ADAM32: variants seen among roughly 807,000 people sequenced by gnomAD.
ADAM32 encodes ADAM metallopeptidase domain 32, also known as disintegrin and metalloproteinase domain-containing protein 32.
ADAM32 carries 89 observed loss-of-function variants against 114.9 expected under a neutral mutation model. The ratio of observed to expected loss-of-function variants is 0.77; its 90% confidence interval spans 0.65 to 0.92. The LOEUF (loss-of-function observed/expected upper bound fraction) is 0.92, where lower values mean the gene tolerates loss of function less well. Ranked by LOEUF, ADAM32 falls within the 40% of genes least tolerant of loss-of-function variation. The pLI, the probability that ADAM32 is intolerant of heterozygous loss-of-function variation, is 0.00. For missense variants in ADAM32, 870 were observed against 932.8 expected, an observed-to-expected ratio of 0.93 and a Z score of 0.88; for synonymous variants, 285 against 307.5, an observed-to-expected ratio of 0.93 and a Z score of 0.77.
At chr8:39,197,870 T>C (rs776145812) in intron 11 of ADAM32, among the ~76,000 whole-genome samples, 5 of 152,186 alleles carry the variant, frequency 3.3e-5, no homozygotes, top group Non-Finnish European at 5.9e-5. Flanking sequence ...GATGTTTCTT[T>C]GTTGATGTTC....
At chr8:39,140,439 A>G (rs772249069) in intron 3 of ADAM32, among the ~76,000 whole-genome samples, 4 of 152,146 alleles carry the variant, frequency 2.6e-5, no homozygotes, top group Non-Finnish European at 5.9e-5. Context: ...GGTTCTGTTT[A>G]TGTGATGGAT....
intron 10 of ADAM32, among the ~76,000 whole-genome samples, chr8:39,185,833 A>G (rs1806200488): frequency 6.6e-6 from 1 of 152,042 alleles, no homozygotes; most frequent in Non-Finnish European, 1.5e-5. Flanking sequence ...TTGGACCTAG[A>G]GGCAATGTGG....
intron 16 of ADAM32, among the ~76,000 whole-genome samples, chr8:39,240,807 T>G (rs1435021372): frequency 6.6e-6 from 1 of 152,132 alleles, no homozygotes; most frequent in Non-Finnish European, 1.5e-5. Flanking sequence ...CAAGATGAGA[T>G]TTGGGTGGGG....
chr8:39,190,673 AAG>A (rs2129447367), intron 11 of ADAM32, among the ~76,000 whole-genome samples: 1 of 152,362 alleles, frequency 6.6e-6, no homozygotes, highest in South Asian at 2.1e-4. Flanking sequence ...CGTGTCAGAA[AAG>A]AGAGCAGTTT....
chr8:39,188,535 T>A (rs1806399560), intron 11 of ADAM32, among the ~76,000 whole-genome samples: 1 of 152,170 alleles, frequency 6.6e-6, no homozygotes, highest in Non-Finnish European at 1.5e-5. Flanking sequence ...GATAATAAGA[T>A]GAACAAATAT....
chr8:39,261,216 C>T (rs145853837), intron 19 of ADAM32, among the ~76,000 whole-genome samples: 2 of 152,306 alleles, frequency 1.3e-5, no homozygotes, highest in Non-Finnish European at 2.9e-5. Context: ...CCTTATCCCT[C>T]CCTTCCCCTT....
chr8:39,164,966 T>A (rs1804735838), intron 8 of ADAM32, 64 bp from the exon 9 acceptor site: 8 of 1,523,964 alleles, frequency 5.2e-6, no homozygotes, highest in Non-Finnish European at 6.2e-6. Context: ...AACTTTGAAT[T>A]TCTGGGTTTT....
At chr8:39,263,618 G>A (rs752598260) in intron 19 of ADAM32, among the ~76,000 whole-genome samples, 15 of 151,984 alleles carry the variant, frequency 9.9e-5, no homozygotes, top group Non-Finnish European at 2.2e-4. Context: ...TTTAGTGTGT[G>A]CAGTGTTATG....
At chr8:39,174,867 C>T (rs1261816513) in intron 10 of ADAM32, among the ~76,000 whole-genome samples, 1 of 152,030 alleles carries the variant, frequency 6.6e-6, no homozygotes, top group East Asian at 1.9e-4. Context: ...TTCTTGAGCA[C>T]TGATTTGTAG....
chr8:39,245,980 C>T, intron 16 of ADAM32, 103 bp from the exon 17 acceptor site: 1 of 911,112 alleles, frequency 1.1e-6, no homozygotes, highest in Non-Finnish European at 1.7e-6. Context: ...AAATTTGTAT[C>T]ATTGAATGGC....
At position 39,234,012 on chromosome 8, in the gene ADAM32, A is replaced by C; in HGVS notation, c.1748A>C (p.Asp583Ala). The C allele has an allele frequency of 6.4e-7, 1 of 1,552,090 alleles. No individual in the cohort carries two copies. The highest frequency in any genetic ancestry group is 1.2e-5 in the South Asian group (1 of 81,676). The change falls in exon 16 of 25, where the codon GAC becomes GCC. Residue 583 changes from aspartate to alanine, a missense_variant. Asp to Ala is a moderately radical substitution (Grantham distance 126). Coordinates refer to ENST00000379907, the MANE Select transcript of ADAM32 (RefSeq NM_145004.7). ...FVRDSVCITV[D>A]YKLPRTVPDP... is the part of the protein sequence containing the mutation. ...CGAGATTCTGTATGCATAACTGTAG[A>C]CTACAAATTGCCTCGAACAGTTCCA...
chr8:39,164,227 AG>A (rs1325576403), intron 7 of ADAM32, among the ~76,000 whole-genome samples: 3 of 152,234 alleles, frequency 2.0e-5, no homozygotes, highest in Non-Finnish European at 4.4e-5. Context: ...AAAGTTATCA[AG>A]CAGTCTGTAT....
intron 12 of ADAM32, among the ~76,000 whole-genome samples, chr8:39,213,197 T>C (rs1263949230): frequency 6.6e-6 from 1 of 152,130 alleles, no homozygotes; most frequent in Non-Finnish European, 1.5e-5. Flanking sequence ...TTTAAGCAAT[T>C]TTTTGATATA....
Position 39,250,269 on chromosome 8 carries a change from C to G in ADAM32, c.1902+4103C>G, listed in dbSNP as rs146501117. 3.0e-3 allele frequency among the ~76,000 whole-genome samples: 451 copies of G among 151,738 alleles called. 2 individuals are homozygous for G. The highest frequency in any genetic ancestry group is 9.8e-3 in the African/African-American group (408 of 41,428). On this transcript the variant is annotated intron_variant, in intron 17 of 24. Coordinates refer to ENST00000379907, the MANE Select transcript of ADAM32 (RefSeq NM_145004.7). ...TGGATATTCTGTTCTGTTTTTTCAACCTTTTTTTTTTGACTTTTTAGTTTT... is the reference window on the plus strand; with the variant it reads ...TGGATATTCTGTTCTGTTTTTTCAAGCTTTTTTTTTTGACTTTTTAGTTTT...
intron 22 of ADAM32, 163 bp downstream of exon 22, chr8:39,276,029 G>A (rs944595131): frequency 2.5e-5 from 13 of 525,216 alleles, no homozygotes; most frequent in Admixed American, 7.8e-5. Context: ...AGTAACTTGC[G>A]AGTATTTGTC....
At chr8:39,246,294 C>G (rs758601034) in intron 17 of ADAM32, 128 bp downstream of exon 17, 13 of 718,524 alleles carry the variant, frequency 1.8e-5, no homozygotes, top group Middle Eastern at 2.7e-4. Context: ...CAATTGAGAG[C>G]TGAATTAAGT....
chr8:39,147,614 A>G (rs1803581232), intron 4 of ADAM32, among the ~76,000 whole-genome samples: 2 of 151,972 alleles, frequency 1.3e-5, no homozygotes, highest in African/African-American at 4.8e-5. Flanking sequence ...TGCCCTTCAA[A>G]CTAAGTGTCC....
At chr8:39,204,833 T>G (rs1807710023) in intron 11 of ADAM32, among the ~76,000 whole-genome samples, 1 of 152,220 alleles carries the variant, frequency 6.6e-6, no homozygotes, top group Non-Finnish European at 1.5e-5. Context: ...TGTATGTTAG[T>G]TTTCCTTCTA....
At chr8:39,206,578 G>T (rs1807848998) in intron 11 of ADAM32, among the ~76,000 whole-genome samples, 1 of 152,218 alleles carries the variant, frequency 6.6e-6, no homozygotes, top group South Asian at 2.1e-4. Context: ...GCTGTCAGTT[G>T]CAGCAGACCT....
Sources: gnomAD v4.1 joint callset for allele counts (sites outside exome capture counted in the v4.1 genomes callset) on GRCh38, gnomAD v4.1.1 for gene constraint, MANE v1.5 for transcripts, NCBI Gene and HGNC (gene_info 2026-07-23, HGNC 2026-07-21) for gene names.